MAP3K3: variants seen among roughly 807,000 people sequenced by gnomAD.
MAP3K3 encodes mitogen-activated protein kinase kinase kinase 3.
Under a neutral mutation model 80.9 loss-of-function variants are expected in MAP3K3, and 12 were observed. The observed-to-expected ratio is 0.15, with a 90% CI of 0.10 to 0.24. MAP3K3 has a LOEUF of 0.24. MAP3K3 is among the 10% of genes least tolerant of loss of function. The pLI is 1.00. For synonymous variants in MAP3K3, 272 were observed against 307.1 expected, an observed-to-expected ratio of 0.89 and a Z score of 1.19; for missense variants, 596 against 834.7, an observed-to-expected ratio of 0.71 and a Z score of 3.52.
intron 5 of MAP3K3, among the ~76,000 whole-genome samples, chr17:63,658,462 TCC>T (rs2034817418): frequency 6.6e-6 from 1 of 152,214 alleles, no homozygotes; most frequent in Admixed American, 6.5e-5. Context: ...TGGGGAATTA[TCC>T]CTTATGCACA....
intron 7 of MAP3K3, among the ~76,000 whole-genome samples, chr17:63,685,298 G>T (rs1286215106): frequency 6.6e-6 from 1 of 152,146 alleles, no homozygotes; most frequent in Non-Finnish European, 1.5e-5. Context: ...GAGCTCCTTG[G>T]GATGCCAGCC....
At chr17:63,624,643 C>T (rs1242532264) in intron 1 of MAP3K3, among the ~76,000 whole-genome samples, 1 of 152,222 alleles carries the variant, frequency 6.6e-6, no homozygotes, top group East Asian at 1.9e-4. Context: ...CAGTTGTCCT[C>T]CTGTCAGTTT....
chr17:63,687,483 G>T (rs2035479060), intron 8 of MAP3K3, among the ~76,000 whole-genome samples: 1 of 149,926 alleles, frequency 6.7e-6, no homozygotes, highest in African/African-American at 2.5e-5. Flanking sequence ...TTGCACTCCA[G>T]TCTGGGCAAC....
chr17:63,688,662 G>T, intron 9 of MAP3K3, 68 bp downstream of exon 9: 2 of 1,501,818 alleles, frequency 1.3e-6, no homozygotes, highest in Non-Finnish European at 1.9e-6. Context: ...GCTCTGCTTC[G>T]ACTTTTCTGA....
rs1211701234 is a variant in MAP3K3 at position 63,691,447 on chromosome 17, C to T, written c.1344+214C>T. On this transcript the variant is annotated intron_variant, in intron 13 of 15. Coordinates refer to ENST00000361733, the MANE Select transcript of MAP3K3 (RefSeq NM_002401.5). This position sits in a 1 kb window ranked among gnomAD's most constrained non-coding sequence, Gnocchi z 4.8. Reference sequence around the variant, plus strand: ...TATGAGATGACAGCTGTCCTAGGTCCAGCACTCCCCTGAGGCATGCAGGGC... The same window carrying T: ...TATGAGATGACAGCTGTCCTAGGTCTAGCACTCCCCTGAGGCATGCAGGGC... 2.0e-5 allele frequency among the ~76,000 whole-genome samples: 3 copies of T among 152,198 alleles called. No individual in the cohort carries two copies. Among genetic ancestry groups the T allele is most frequent in the African/African-American group, 4.8e-5 (2 of 41,452 alleles).
At position 63,648,800 on chromosome 17, in the gene MAP3K3, G is replaced by A. The variant is rs552675461; in HGVS notation, c.167+2726G>A. 3.3e-5 allele frequency among the ~76,000 whole-genome samples: 5 copies of A among 152,226 alleles called. No individual in the cohort carries two copies. The South Asian group carries it at 8.3e-4, about 25-fold the overall frequency. On this transcript the variant is annotated intron_variant, in intron 3 of 15. Transcript: ENST00000361733. The stretch of plus-strand genomic sequence containing the variant: ...ACTGCACTCCAGCCTGGGGGACAGA[G>A]CGAGACTCCATCACACACACACAGA...
chr17:63,678,498 C>T (rs990523343), intron 6 of MAP3K3, among the ~76,000 whole-genome samples: 3 of 152,090 alleles, frequency 2.0e-5, no homozygotes, highest in Non-Finnish European at 2.9e-5. Context: ...TGCCTGTTTT[C>T]AGAGCAATTT....
At chr17:63,672,215 G>A (rs1378930692) in intron 6 of MAP3K3, among the ~76,000 whole-genome samples, 3 of 151,370 alleles carry the variant, frequency 2.0e-5, no homozygotes, top group Admixed American at 6.6e-5. Context: ...CCCGGGAGGC[G>A]GAGGTTGCAG....
intron 3 of MAP3K3, among the ~76,000 whole-genome samples, chr17:63,649,790 A>T (rs1254747472): frequency 2.0e-5 from 3 of 152,226 alleles, no homozygotes; most frequent in Non-Finnish European, 4.4e-5. Context: ...GTGCAGATGC[A>T]GTTCTAGATG....
In MAP3K3 at chr17:63,689,205, G is replaced by A; in HGVS notation, c.871+324G>A. On this transcript the variant is annotated intron_variant, in intron 10 of 15. Transcript: ENST00000361733. This position sits in a 1 kb window ranked among gnomAD's most constrained non-coding sequence, Gnocchi z 4.3. The stretch of plus-strand genomic sequence containing the variant: ...AGAGGGGTAAGGAGTAGGATACAAG[G>A]AAATCAGTGCCTTCGGGTGTGGCTT... 1 of 536,642 alleles carries A rather than the reference G, an allele frequency of 1.9e-6. No homozygotes were observed. Among genetic ancestry groups the A allele is most frequent in the South Asian group, 2.3e-5 (1 of 44,306 alleles). 33.2% of individuals were successfully genotyped at this position (536,642 alleles called of 1,614,324 possible).
chr17:63,671,265 T>C (rs2035101506), intron 6 of MAP3K3, among the ~76,000 whole-genome samples: 1 of 149,582 alleles, frequency 6.7e-6, no homozygotes, highest in South Asian at 2.1e-4. Context: ...ATTTTCTTTT[T>C]TTTTTTTTTG....
At chr17:63,663,752 C>T (rs75099179) in intron 5 of MAP3K3, among the ~76,000 whole-genome samples, 3,531 of 152,142 alleles carry the variant, frequency 0.023, 143 homozygotes, top group African/African-American at 0.079. Context: ...TAAAATCAGT[C>T]GTGGTGGCAA....
chr17:63,645,984 G>A, intron 2 of MAP3K3, 50 bp from the exon 3 acceptor site: 3 of 1,513,342 alleles, frequency 2.0e-6, no homozygotes, highest in Non-Finnish European at 2.8e-6. Context: ...AATGGCAGGA[G>A]TGACACATTC....
Position 63,641,319 on chromosome 17 carries a change from T to G in MAP3K3, c.127-4715T>G, listed in dbSNP as rs190136566. Reference sequence around the variant, plus strand: ...GTGCAGTGGCGTGATCTCGGCTTGCTGCAACCTCCACTTCCTGGGTTCAAG... The same window carrying G: ...GTGCAGTGGCGTGATCTCGGCTTGCGGCAACCTCCACTTCCTGGGTTCAAG... On this transcript the variant is annotated intron_variant, in intron 2 of 15. Coordinates refer to ENST00000361733, the MANE Select transcript of MAP3K3 (RefSeq NM_002401.5). Among the ~76,000 whole-genome samples the G allele has an allele frequency of 8.4e-3, 1,274 of 151,832 alleles. 21 individuals are homozygous for G. The highest frequency in any genetic ancestry group is 0.029 in the African/African-American group (1,199 of 41,332).
chr17:63,631,765 CA>C (rs2034220542), intron 1 of MAP3K3, among the ~76,000 whole-genome samples: 1 of 152,120 alleles, frequency 6.6e-6, no homozygotes, highest in Non-Finnish European at 1.5e-5. Flanking sequence ...ATTGCTTGGT[CA>C]GCTTAGGGAG....
At chr17:63,625,693 A>C (rs1478522069) in intron 1 of MAP3K3, among the ~76,000 whole-genome samples, 1 of 152,170 alleles carries the variant, frequency 6.6e-6, no homozygotes, top group African/African-American at 2.4e-5. Context: ...GTTTTGATTG[A>C]AATTTGAATC....
At chr17:63,665,408 G>A (rs575679738) in intron 5 of MAP3K3, among the ~76,000 whole-genome samples, 22 of 151,998 alleles carry the variant, frequency 1.4e-4, no homozygotes, top group Admixed American at 2.6e-4. Flanking sequence ...CTCATGATCC[G>A]CCCGCCTCAG....
chr17:63,631,741 G>A (rs1393690752), intron 1 of MAP3K3, among the ~76,000 whole-genome samples: 1 of 152,168 alleles, frequency 6.6e-6, no homozygotes, highest in Non-Finnish European at 1.5e-5. Context: ...ATGCCAGTAA[G>A]GTGGAGACAA....
chr17:63,681,942 C>T (rs2143560319), intron 7 of MAP3K3, 43 bp downstream of exon 7: 1 of 1,328,954 alleles, frequency 7.5e-7, no homozygotes, highest in Non-Finnish European at 9.7e-7. Context: ...CCTGTATCAG[C>T]AGACCAAGCT....
Sources: allele counts gnomAD v4.1 joint callset (sites outside exome capture counted in the v4.1 genomes callset), GRCh38; gene constraint gnomAD v4.1.1; non-coding constraint Gnocchi (gnomAD v3.1); transcripts MANE v1.5; gene names NCBI Gene and HGNC (gene_info 2026-07-23, HGNC 2026-07-21).